The following ALMS1 variants were observed in gnomAD, a reference collection of about 807,000 sequenced individuals.
ALMS1 encodes ALMS1 centrosome and basal body associated protein.
Under a neutral mutation model 352.2 loss-of-function variants are expected in ALMS1, and 271 were observed. The observed-to-expected ratio is 0.77, with a 90% CI of 0.70 to 0.85. The LOEUF (loss-of-function observed/expected upper bound fraction) is 0.85. ALMS1 is among the 40% of genes least tolerant of loss of function. The pLI is 0.00. For missense variants in ALMS1, 5,445 were observed against 4,870.7 expected, an observed-to-expected ratio of 1.12 and a Z score of -3.51; for synonymous variants, 1,865 against 1,761.2, an observed-to-expected ratio of 1.06 and a Z score of -1.48.
chr2:73,551,311 C>T (rs1674426752), intron 13 of ALMS1, among the ~76,000 whole-genome samples: 1 of 152,046 alleles, frequency 6.6e-6, no homozygotes, highest in South Asian at 2.1e-4. Flanking sequence ...TGTCCCCCTG[C>T]AGGCAGGACA....
intron 10 of ALMS1, among the ~76,000 whole-genome samples, chr2:73,506,658 A>G (rs1199197683): frequency 3.9e-5 from 6 of 152,212 alleles, no homozygotes; most frequent in South Asian, 2.1e-4. Flanking sequence ...GAAGTTGCCT[A>G]TCAGCTTAAG....
chr2:73,492,606 A>G (rs952403370), intron 10 of ALMS1, among the ~76,000 whole-genome samples: 3 of 152,194 alleles, frequency 2.0e-5, no homozygotes, highest in African/African-American at 7.2e-5. Flanking sequence ...TGTAGAAGGA[A>G]AGGGTTGGAA....
At chr2:73,423,845 A>G (rs1419383715) in intron 4 of ALMS1, among the ~76,000 whole-genome samples, 1 of 151,526 alleles carries the variant, frequency 6.6e-6, no homozygotes, top group African/African-American at 2.4e-5. Flanking sequence ...TGGTGCCATC[A>G]TGGCTCACTG....
intron 9 of ALMS1, among the ~76,000 whole-genome samples, chr2:73,485,543 C>G (rs756659351): frequency 6.6e-6 from 1 of 152,250 alleles, no homozygotes; most frequent in Non-Finnish European, 1.5e-5. Flanking sequence ...CTGTGCCCTT[C>G]CTCCAGAGAT....
chr2:73,500,084 A>C (rs977542575), intron 10 of ALMS1, among the ~76,000 whole-genome samples: 2 of 152,162 alleles, frequency 1.3e-5, no homozygotes, highest in Admixed American at 1.3e-4. Flanking sequence ...AGACTAAGAC[A>C]CCATTTGAGC....
chr2:73,394,450 C>T (rs1013853048), intron 1 of ALMS1, among the ~76,000 whole-genome samples: 7 of 152,132 alleles, frequency 4.6e-5, no homozygotes, highest in Admixed American at 3.9e-4. Context: ...CTCCTGGGTT[C>T]AAGCAGTTCT....
chr2:73,514,891 A>G (rs1673524929), intron 10 of ALMS1, among the ~76,000 whole-genome samples: 1 of 152,036 alleles, frequency 6.6e-6, no homozygotes, highest in Non-Finnish European at 1.5e-5. Context: ...TGCACCTTTG[A>G]TTTTCAGCAG....
At chr2:73,533,277 C>T (rs1034933594) in intron 11 of ALMS1, among the ~76,000 whole-genome samples, 3 of 152,230 alleles carry the variant, frequency 2.0e-5, no homozygotes, top group African/African-American at 7.2e-5. Flanking sequence ...GATTCCAGCA[C>T]ATCACCAAGA....
intron 17 of ALMS1, 144 bp from the exon 18 acceptor site, chr2:73,600,534 C>T (rs1362069154): frequency 2.8e-6 from 2 of 702,152 alleles, no homozygotes; most frequent in African/African-American, 3.6e-5. Context: ...CCTTCTTTCT[C>T]TTCCTCTCTC....
At chr2:73,387,184 A>C (rs963040221) in intron 1 of ALMS1, among the ~76,000 whole-genome samples, 1 of 152,170 alleles carries the variant, frequency 6.6e-6, no homozygotes, top group African/African-American at 2.4e-5. Flanking sequence ...TGTCTGGTGA[A>C]TATTCCAGGG....
intron 10 of ALMS1, among the ~76,000 whole-genome samples, chr2:73,508,077 T>A (rs1673369785): frequency 6.6e-6 from 1 of 152,092 alleles, no homozygotes; most frequent in Non-Finnish European, 1.5e-5. Context: ...TTCCATGTAG[T>A]TGTGCGGTTT....
chr2:73,572,404 T>C lies in ALMS1; in HGVS notation c.10527T>C (p.His3509=). 1 of 1,611,742 alleles carries C rather than the reference T, an allele frequency of 6.2e-7. No individual in the cohort carries two copies. The highest frequency in any genetic ancestry group is 2.2e-5 in the East Asian group (1 of 44,810). Residue 3509 remains histidine, a synonymous_variant, in exon 16 of 23, where the codon CAT becomes CAC. Coordinates refer to ENST00000613296, the MANE Select transcript of ALMS1 (RefSeq NM_001378454.1). The stretch of plus-strand genomic sequence containing the variant: ...TGGGAAAGAGTGTTTTCATGAGACA[T>C]TCTTGGAAAGATTTCTTTCAGCATC... ...ESLGKSVFMR[H]SWKDFFQHHP... is the part of the protein sequence containing the mutation.
At chr2:73,489,111 T>G (rs1236441994) in intron 9 of ALMS1, among the ~76,000 whole-genome samples, 2 of 152,210 alleles carry the variant, frequency 1.3e-5, no homozygotes, top group Non-Finnish European at 2.9e-5. Context: ...ATTACCATTT[T>G]CAGGAGGCAA....
chr2:73,573,853 T>G (rs1034323538), intron 16 of ALMS1, among the ~76,000 whole-genome samples: 31 of 14,626 alleles, frequency 2.1e-3, no homozygotes, highest in East Asian at 0.25. Context: ...AATACAGGGT[T>G]TTTTTTTTTG....
rs766762252 is a variant in ALMS1 at position 73,385,994 on chromosome 2, C to T, written c.126C>T (p.Val42=). 6 of 1,550,344 alleles carry T rather than the reference C, an allele frequency of 3.9e-6. No individual in the cohort carries two copies. Among genetic ancestry groups the T allele is most frequent in the South Asian group, 3.6e-5 (3 of 83,476 alleles). The stretch of plus-strand genomic sequence containing the variant: ...CGGCGAACGTGGACGACGTAGTGGT[C>T]GTGGAGGAGGTGGAGGAAGAGGCGG... The part of the protein sequence containing the change: ...AAAANVDDVV[V]VEEVEEEAGR... Residue 42 remains valine, a synonymous_variant, in exon 1 of 23, where the codon GTC becomes GTT. Transcript: ENST00000613296.
intron 2 of ALMS1, among the ~76,000 whole-genome samples, chr2:73,412,156 A>G (rs1671090613): frequency 6.6e-6 from 1 of 152,328 alleles, no homozygotes; most frequent in Non-Finnish European, 1.5e-5. Context: ...ACATACGTAT[A>G]CAGTCATGCA....
At chr2:73,510,386 A>G (rs1466505660) in intron 10 of ALMS1, among the ~76,000 whole-genome samples, 2 of 152,046 alleles carry the variant, frequency 1.3e-5, no homozygotes, top group Admixed American at 6.5e-5. Context: ...TGAACTTCAG[A>G]TGGAGTTTTT....
At chr2:73,534,350 C>G (rs2103991092) in intron 11 of ALMS1, among the ~76,000 whole-genome samples, 1 of 152,136 alleles carries the variant, frequency 6.6e-6, no homozygotes, top group East Asian at 1.9e-4. Flanking sequence ...GACTTATTTT[C>G]TATGACTCTG....
At chr2:73,473,569 G>A (rs940627963) in intron 9 of ALMS1, among the ~76,000 whole-genome samples, 4 of 151,994 alleles carry the variant, frequency 2.6e-5, no homozygotes, top group African/African-American at 4.8e-5. Flanking sequence ...AGAAATTAAT[G>A]AAACTATCCC....
Sources: gnomAD v4.1 joint callset for allele counts (sites outside exome capture counted in the v4.1 genomes callset) on GRCh38, gnomAD v4.1.1 for gene constraint, MANE v1.5 for transcripts, NCBI Gene and HGNC (gene_info 2026-07-23, HGNC 2026-07-21) for gene names.